The following MACF1 variants were observed in gnomAD, a reference collection of about 807,000 sequenced individuals.
MACF1 encodes the protein microtubule-actin cross-linking factor 1.
Under a neutral mutation model 854.8 loss-of-function variants are expected in MACF1, and 193 were observed. The observed-to-expected ratio is 0.23, with a 90% confidence interval of 0.20 to 0.25. The LOEUF is 0.25. Ranked by LOEUF, MACF1 falls within the 10% of genes least tolerant of loss-of-function variation. The pLI is 1.00. For missense variants in MACF1, 7,722 were observed against 8,929.1 expected (o/e 0.86, Z 5.45); for synonymous variants, 3,185 against 3,226.7 (o/e 0.99, Z 0.44).
chr1:39,447,557 T>C lies in MACF1; in HGVS notation c.19731T>C (p.Asn6577=), dbSNP rs1644254689. The stretch of plus-strand genomic sequence containing the variant: ...CTTCTCCACCAAGCCTGATTCTAAA[T>C]ACTGTCCTTTCCCAGATAGAAGAGC... The part of the protein sequence containing the change: ...NIASPPSLIL[N]TVLSQIEEHK... The change falls in exon 81 of 101, where the codon AAT becomes AAC. Residue 6577 remains asparagine (N), a synonymous_variant. Transcript: ENST00000564288. 1.9e-6 allele frequency: 3 copies of C among 1,614,202 alleles called. No homozygotes were observed. The highest frequency in any genetic ancestry group is 2.2e-5 in the East Asian group (1 of 44,886).
intron 2 of MACF1, among the ~76,000 whole-genome samples, chr1:39,233,480 A>G (rs1485095043): frequency 6.6e-6 from 1 of 152,184 alleles, no homozygotes; most frequent in African/African-American, 2.4e-5. Flanking sequence ...CCCTGAGGCC[A>G]CATGATTCTG....
rs778701512 is a variant in MACF1, at chr1:39,410,377, A to G, written c.15817-11997A>G. The G allele has an allele frequency of 3.7e-6, 6 of 1,613,900 alleles. No individual in the cohort carries two copies. In the Admixed American group the frequency reaches 5.0e-5, roughly 13 times the overall value. On this transcript the variant is annotated intron_variant, in intron 58 of 100. Coordinates refer to ENST00000564288, the MANE Select transcript of MACF1 (RefSeq NM_001394062.1). ...GGACTGCTATGTTCCACAACGGTCT[A>G]TATATGATACGATGAGGATAAATGA...
chr1:39,223,683 A>C (rs1644680672), intron 1 of MACF1, among the ~76,000 whole-genome samples: 1 of 151,972 alleles, frequency 6.6e-6, no homozygotes, highest in Admixed American at 6.6e-5. Context: ...CGTCTGGCTA[A>C]TTTTTGTATT....
chr1:39,369,659 T>C (rs1649060971), intron 50 of MACF1, among the ~76,000 whole-genome samples: 1 of 152,226 alleles, frequency 6.6e-6, no homozygotes, highest in Non-Finnish European at 1.5e-5. Flanking sequence ...GCACTTGAAT[T>C]GGTCCTTGAA....
At chr1:39,243,154 G>A (rs564695490) in intron 2 of MACF1, among the ~76,000 whole-genome samples, 12 of 152,132 alleles carry the variant, frequency 7.9e-5, no homozygotes, top group East Asian at 5.8e-4. Flanking sequence ...TAATCACTGC[G>A]GTTTTGATTT....
rs1348827075 is a variant in MACF1 at position 39,344,141 on chromosome 1, T to C, written c.10582-2836T>C. Among the ~76,000 whole-genome samples, 2 of 147,986 alleles carry C rather than the reference T, an allele frequency of 1.4e-5. 1 individual carries two copies. Among genetic ancestry groups the C allele is most frequent in the Non-Finnish European group, 3.0e-5 (2 of 67,090 alleles). On this transcript the variant is annotated intron_variant, in intron 40 of 100. Coordinates refer to ENST00000564288, the MANE Select transcript of MACF1 (RefSeq NM_001394062.1). Reference sequence around the variant, plus strand: ...AAAAAAAAAAAAAGAAAAAAAGTTTTAGGGCCAGGCGTGGTGGCTCATGCC... The same window carrying C: ...AAAAAAAAAAAAAGAAAAAAAGTTTCAGGGCCAGGCGTGGTGGCTCATGCC...
At position 39,285,223 on chromosome 1, in the gene MACF1, C is replaced by G. The variant is rs1476278273; in HGVS notation, c.1259+13C>G. 6.2e-7 allele frequency: 1 copy of G among 1,614,158 alleles called. No individual in the cohort carries two copies. Among genetic ancestry groups the G allele is most frequent in the East Asian group, 2.2e-5 (1 of 44,884 alleles). ...CGGCTGTGGAGAGGTGGGTCCAGAT[C>G]CTGAGAGTGGTCTGACATTATTTAT... On this transcript the variant is annotated intron_variant, in intron 12 of 100. Coordinates refer to ENST00000564288, the MANE Select transcript of MACF1 (RefSeq NM_001394062.1).
intron 2 of MACF1, among the ~76,000 whole-genome samples, chr1:39,171,229 A>G (rs6660622): frequency 0.62 from 88,349 of 142,580 alleles, 28,353 homozygotes; most frequent in South Asian, 0.77. Context: ...GTGTGTGTGT[A>G]TGTGTGTGTG....
chr1:39,117,232 G>GT (rs1557463616), intron 2 of MACF1, among the ~76,000 whole-genome samples: 47 of 151,870 alleles, frequency 3.1e-4, no homozygotes, highest in African/African-American at 1.1e-3. Flanking sequence ...CTACTTGCTT[G>GT]GTTTTTTTTC....
At chr1:39,128,346 A>G (rs1160758563) in intron 2 of MACF1, among the ~76,000 whole-genome samples, 2 of 152,026 alleles carry the variant, frequency 1.3e-5, no homozygotes, top group Admixed American at 1.3e-4. Context: ...AGTAGCTGAG[A>G]CTACAGGACT....
intron 1 of MACF1, among the ~76,000 whole-genome samples, chr1:39,219,120 C>T (rs778929463): frequency 3.3e-5 from 5 of 152,232 alleles, no homozygotes; most frequent in African/African-American, 4.8e-5. Context: ...GAAGCTTCTA[C>T]AGTTGTCACT....
chr1:39,253,001 T>C (rs1645058631), intron 4 of MACF1, among the ~76,000 whole-genome samples: 1 of 152,222 alleles, frequency 6.6e-6, no homozygotes, highest in Non-Finnish European at 1.5e-5. Flanking sequence ...TTATATTTTA[T>C]CAGCCTTTAA....
chr1:39,208,546 C>G (rs938725871), intron 1 of MACF1, among the ~76,000 whole-genome samples: 1 of 152,086 alleles, frequency 6.6e-6, no homozygotes, highest in Non-Finnish European at 1.5e-5. Flanking sequence ...TTCTGCCATC[C>G]GGGTTCAAGC....
intron 2 of MACF1, among the ~76,000 whole-genome samples, chr1:39,180,911 A>G (rs1169148510): frequency 6.6e-6 from 1 of 151,954 alleles, no homozygotes; most frequent in Non-Finnish European, 1.5e-5. Context: ...TTTTTAATCA[A>G]TATCTTTTTT....
intron 2 of MACF1, among the ~76,000 whole-genome samples, chr1:39,173,900 T>A (rs1643987972): frequency 6.6e-6 from 1 of 152,230 alleles, no homozygotes; most frequent in South Asian, 2.1e-4. Context: ...AGAAAAGCGC[T>A]TTTGATTAAG....
chr1:39,426,881 G>A (rs1268496144), intron 61 of MACF1, among the ~76,000 whole-genome samples: 1 of 151,766 alleles, frequency 6.6e-6, no homozygotes, highest in Non-Finnish European at 1.5e-5. Context: ...GTTATGTTCT[G>A]GGGCTTGAAA....
Position 39,105,693 on chromosome 1 carries a change from G to A in MACF1, c.220+21255G>A. The A allele has an allele frequency of 8.1e-7, 1 of 1,231,596 alleles. No individual in the cohort carries two copies. The highest frequency in any genetic ancestry group is 1.0e-6 in the Non-Finnish European group (1 of 959,730). The allele number at this position is 1,231,596 out of a possible 1,614,324, so 76.3% of individuals were successfully genotyped here. On this transcript the variant is annotated intron_variant, in intron 2 of 93. Transcript: ENST00000361689. This position sits in a 1 kb window ranked among gnomAD's most constrained non-coding sequence, Gnocchi z 5.9. ...GGAGAAGGAGTTCGTGCAGGCGTAC[G>A]AGGATGTGCTGGAGCGGTACAAAGG...
chr1:39,197,995 C>T (rs1025708197), intron 2 of MACF1, among the ~76,000 whole-genome samples: 11 of 151,628 alleles, frequency 7.3e-5, no homozygotes, highest in African/African-American at 2.4e-4. Flanking sequence ...CCCAGGAGTT[C>T]GAGACCAGCC....
At chr1:39,114,022 T>C (rs1642480945) in intron 2 of MACF1, among the ~76,000 whole-genome samples, 2 of 143,338 alleles carry the variant, frequency 1.4e-5, no homozygotes, top group Middle Eastern at 3.5e-3. Context: ...GGTGACAGAG[T>C]GAGACTCCGT....
Sources: gnomAD v4.1 joint callset for allele counts (sites outside exome capture counted in the v4.1 genomes callset) on GRCh38, gnomAD v4.1.1 for gene constraint, Gnocchi (gnomAD v3.1) non-coding constraint, MANE v1.5 for transcripts, NCBI Gene and HGNC (gene_info 2026-07-23, HGNC 2026-07-21) for gene names.